Variants in R3HCC1L observed in about 807,000 individuals in gnomAD.
R3HCC1L encodes the protein coiled-coil domain-containing protein R3HCC1L.
R3HCC1L carries 51 observed loss-of-function variants against 59.9 expected under a neutral mutation model. That is an observed-to-expected ratio of 0.85 (90% CI 0.68 to 1.07). The LOEUF is 1.07. Ranked by LOEUF, R3HCC1L falls within the 50% of genes least tolerant of loss-of-function variation. The probability of loss-of-function intolerance (pLI) is 0.00; values close to 1 mark genes in which losing one functional copy is unlikely to be tolerated. For missense variants in R3HCC1L, 965 were observed against 933.0 expected (o/e 1.03, Z -0.45); for synonymous variants, 322 against 315.2 (o/e 1.02, Z -0.23).
At chr10:98,146,962 T>TC (rs1845709972) in intron 1 of R3HCC1L, among the ~76,000 whole-genome samples, 1 of 152,218 alleles carries the variant, frequency 6.6e-6, no homozygotes, top group Admixed American at 6.5e-5. Flanking sequence ...ACTCTATTTT[T>TC]CATTTTTTGA....
chr10:98,186,934 T>C (rs1850277768), intron 4 of R3HCC1L, among the ~76,000 whole-genome samples: 1 of 152,138 alleles, frequency 6.6e-6, no homozygotes, highest in Non-Finnish European at 1.5e-5. Context: ...TGCATTCTGG[T>C]TTCTGTACTT....
intron 4 of R3HCC1L, among the ~76,000 whole-genome samples, chr10:98,172,918 C>T (rs912442059): frequency 3.9e-5 from 6 of 152,100 alleles, no homozygotes; most frequent in African/African-American, 7.2e-5. Context: ...CAGACCCTTT[C>T]GGTGGGGAAT....
At chr10:98,237,153 C>T (rs546829961) in intron 9 of R3HCC1L, among the ~76,000 whole-genome samples, 1 of 152,242 alleles carries the variant, frequency 6.6e-6, no homozygotes, top group African/African-American at 2.4e-5. Context: ...TTGAACCCAA[C>T]TAATTTTTGA....
rs1261575317 is a variant in R3HCC1L at position 98,209,292 on chromosome 10, G to A, written c.1178G>A (p.Ser393Asn). 1 of 1,613,728 alleles carries A rather than the reference G, an allele frequency of 6.2e-7. No individual in the cohort carries two copies. The highest frequency in any genetic ancestry group is 8.5e-7 in the Non-Finnish European group (1 of 1,179,900). ...TGTAGTGATCATGTAACTGTTGATA[G>A]CCCTTATGTAGTTGCAGTTAGAATA... ...MSCSDHVTVDSPYVVAVRIAD... is the reference protein window; with the variant it reads ...MSCSDHVTVDNPYVVAVRIAD... Residue 393 changes from serine to asparagine, a missense_variant, in exon 5 of 10, where the codon AGC becomes AAC. Physicochemically the swap from Ser to Asn is conservative, Grantham distance 46 (BLOSUM62 1). Coordinates refer to ENST00000298999, the MANE Select transcript of R3HCC1L (RefSeq NM_001351015.2).
In R3HCC1L at chr10:98,176,083, A is replaced by G. The variant is rs373745374; in HGVS notation, c.-15+12686A>G. Among the ~76,000 whole-genome samples the G allele has an allele frequency of 1.6e-4, 25 of 152,048 alleles. 1 individual carries two copies. The highest frequency in any genetic ancestry group is 9.6e-4 in the East Asian group (5 of 5,186). On this transcript the variant is annotated intron_variant, in intron 4 of 9. Transcript: ENST00000298999. ...TACATTTCTTGAAAATCAGTTGTTCATATATGTGTGAGTCTTCTTCTGGAC... is the reference window on the plus strand; with the variant it reads ...TACATTTCTTGAAAATCAGTTGTTCGTATATGTGTGAGTCTTCTTCTGGAC...
At chr10:98,209,927 T>A (rs752258835) in intron 5 of R3HCC1L, 28 bp downstream of exon 5, 1 of 1,528,634 alleles carries the variant, frequency 6.5e-7, no homozygotes, top group African/African-American at 1.4e-5. Flanking sequence ...TGCTTGATGC[T>A]TAGTTAGTTT....
At chr10:98,238,276 T>G (rs1857168962) in intron 9 of R3HCC1L, among the ~76,000 whole-genome samples, 1 of 152,240 alleles carries the variant, frequency 6.6e-6, no homozygotes, top group South Asian at 2.1e-4. Flanking sequence ...ACTGAGCACC[T>G]GCCCTGTGCA....
intron 4 of R3HCC1L, chr10:98,174,867 G>A (rs969451171): frequency 2.6e-6 from 2 of 767,270 alleles, no homozygotes; most frequent in Non-Finnish European, 3.2e-6. Context: ...ACATATTGAT[G>A]TTCGTAATGT....
At chr10:98,192,084 C>A (rs1011908835) in intron 4 of R3HCC1L, among the ~76,000 whole-genome samples, 1 of 152,098 alleles carries the variant, frequency 6.6e-6, no homozygotes, top group Non-Finnish European at 1.5e-5. Flanking sequence ...CTCAGCCTCC[C>A]AAAGTGCTGG....
chr10:98,172,893 A>G (rs1564645325), intron 4 of R3HCC1L, among the ~76,000 whole-genome samples: 1 of 152,168 alleles, frequency 6.6e-6, no homozygotes, highest in Admixed American at 6.5e-5. Flanking sequence ...CAGACTAAAA[A>G]TTTTACAAGT....
intron 5 of R3HCC1L, among the ~76,000 whole-genome samples, chr10:98,218,961 G>A (rs1854548524): frequency 6.6e-6 from 1 of 152,134 alleles, no homozygotes; most frequent in Non-Finnish European, 1.5e-5. Context: ...TCCCAGGCTG[G>A]AGTGTAGTGG....
At chr10:98,234,399 A>G (rs1480831989) in intron 6 of R3HCC1L, 47 bp from the exon 7 acceptor site, 3 of 1,543,948 alleles carry the variant, frequency 1.9e-6, no homozygotes, top group Non-Finnish European at 2.7e-6. Flanking sequence ...ATGTTTCATA[A>G]AAGTAAATTT....
intron 6 of R3HCC1L, among the ~76,000 whole-genome samples, chr10:98,233,220 T>G (rs1402208401): frequency 6.6e-6 from 1 of 152,164 alleles, no homozygotes; most frequent in Non-Finnish European, 1.5e-5. Context: ...GAAGATCAAT[T>G]AACTCTTACA....
intron 4 of R3HCC1L, among the ~76,000 whole-genome samples, chr10:98,176,014 A>G (rs1350414475): frequency 6.6e-6 from 1 of 152,076 alleles, no homozygotes; most frequent in Non-Finnish European, 1.5e-5. Context: ...TTGTTTCGGC[A>G]CCATTTTTTG....
At chr10:98,196,610 C>T (rs1233083723) in intron 4 of R3HCC1L, among the ~76,000 whole-genome samples, 1 of 151,966 alleles carries the variant, frequency 6.6e-6, no homozygotes, top group Non-Finnish European at 1.5e-5. Flanking sequence ...TCTTTCACAT[C>T]CCATACAATC....
At chr10:98,176,917 T>C (rs1245345077) in intron 4 of R3HCC1L, among the ~76,000 whole-genome samples, 1 of 152,118 alleles carries the variant, frequency 6.6e-6, no homozygotes, top group Non-Finnish European at 1.5e-5. Flanking sequence ...TGGATGGATG[T>C]TGAATTTTGT....
At chr10:98,204,145 A>G (rs1048840163) in intron 4 of R3HCC1L, among the ~76,000 whole-genome samples, 1 of 152,234 alleles carries the variant, frequency 6.6e-6, no homozygotes, top group African/African-American at 2.4e-5. Flanking sequence ...ACGGTGGCTT[A>G]CACCTGTAAT....
chr10:98,206,269 G>T (rs1483134057), intron 4 of R3HCC1L, among the ~76,000 whole-genome samples: 1 of 148,890 alleles, frequency 6.7e-6, no homozygotes, highest in African/African-American at 2.5e-5. Context: ...AAAGCCTTTA[G>T]ATCTTTCTTT....
At chr10:98,202,838 A>G (rs1437864962) in intron 4 of R3HCC1L, among the ~76,000 whole-genome samples, 1 of 151,336 alleles carries the variant, frequency 6.6e-6, no homozygotes, top group East Asian at 2.0e-4. Context: ...CCTGGGTGAC[A>G]GAGTAAGACT....
Sources: gnomAD v4.1 joint callset for allele counts (sites outside exome capture counted in the v4.1 genomes callset) on GRCh38, gnomAD v4.1.1 for gene constraint, MANE v1.5 for transcripts, NCBI Gene and HGNC (gene_info 2026-07-23, HGNC 2026-07-21) for gene names.